Variants in SH3BP4 observed in about 807,000 individuals in gnomAD.
The protein encoded by SH3BP4 is SH3 domain-binding protein 4.
SH3BP4 carries 33 observed loss-of-function variants against 65.5 expected under a neutral mutation model. The ratio of observed to expected loss-of-function variants is 0.50; its 90% CI spans 0.38 to 0.67. The LOEUF (loss-of-function observed/expected upper bound fraction) is 0.67, where lower values mean the gene tolerates loss of function less well. SH3BP4 is among the 30% of genes least tolerant of loss of function. The probability of loss-of-function intolerance (pLI) is 0.00; values close to 1 mark genes in which losing one functional copy is unlikely to be tolerated. For synonymous variants in SH3BP4, 552 were observed against 545.5 expected, an observed-to-expected ratio of 1.01 and a Z score of -0.17; for missense variants, 1,134 against 1,261.4, an observed-to-expected ratio of 0.90 and a Z score of 1.53.
rs1239066126 is a variant in SH3BP4 at position 235,030,912 on chromosome 2, C to T, written c.-132-3959C>T. ...CCCTCTTTCTGTACTGTAAAAACGG[C>T]CCCAAGGGTGCGGACAGGGGGCACC... is the stretch of plus-strand genomic sequence containing the variant. On this transcript the variant is annotated intron_variant, in intron 2 of 5. Transcript: ENST00000392011. This position sits in a 1 kb window ranked among gnomAD's most constrained non-coding sequence, Gnocchi z 4.1. Among the ~76,000 whole-genome samples, 1 of 152,118 alleles carries T rather than the reference C, an allele frequency of 6.6e-6. No individual in the cohort carries two copies. The highest frequency in any genetic ancestry group is 2.4e-5 in the African/African-American group (1 of 41,420).
intron 2 of SH3BP4, among the ~76,000 whole-genome samples, chr2:235,010,376 C>T (rs77234944): frequency 0.027 from 4,046 of 152,286 alleles, 191 homozygotes; most frequent in African/African-American, 0.093. Context: ...CACAGTAGGC[C>T]CCAGAACTAC....
At chr2:235,011,918 G>A (rs1180843706) in intron 2 of SH3BP4, among the ~76,000 whole-genome samples, 1 of 152,222 alleles carries the variant, frequency 6.6e-6, no homozygotes, top group African/African-American at 2.4e-5. Context: ...CCAGGCTCTG[G>A]GTGGGGGATG....
Position 235,033,688 on chromosome 2 carries a change from C to T in SH3BP4, c.-132-1183C>T, listed in dbSNP as rs548865950. Among the ~76,000 whole-genome samples the T allele has an allele frequency of 1.9e-4, 29 of 152,320 alleles. No homozygotes were observed. The highest frequency in any genetic ancestry group is 4.1e-4 in the South Asian group (2 of 4,828). On this transcript the variant is annotated intron_variant, in intron 2 of 5. Transcript: ENST00000392011. The surrounding 1 kb of genome is among the most constrained non-coding windows in gnomAD (Gnocchi z 5.7). Reference sequence around the variant, plus strand: ...GTCCCTATAGCAGCATGTGGACACACGCCTTGCTCTGCTCACTGCACAGGG... The same window carrying T: ...GTCCCTATAGCAGCATGTGGACACATGCCTTGCTCTGCTCACTGCACAGGG...
chr2:235,006,733 G>A (rs1345668807), intron 2 of SH3BP4, among the ~76,000 whole-genome samples: 2 of 152,282 alleles, frequency 1.3e-5, no homozygotes, highest in Non-Finnish European at 2.9e-5. Flanking sequence ...GGAAGCGTCC[G>A]TCTGTACTAC....
rs1051960614 is a variant in SH3BP4 at position 234,990,280 on chromosome 2, G to A, written c.-206-5023G>A. Among the ~76,000 whole-genome samples, 6 of 152,154 alleles carry A rather than the reference G, an allele frequency of 3.9e-5. No individual in the cohort carries two copies. The South Asian group carries it at 8.3e-4, about 21-fold the overall frequency. ...GTATGGTGGTGGGTGAGGCTGGAGC[G>A]ACCCCAGTCATCCAGCTGTCGGGGA... On this transcript the variant is annotated intron_variant, in intron 1 of 5. Coordinates refer to ENST00000392011, the MANE Select transcript of SH3BP4 (RefSeq NM_014521.3).
At position 235,017,784 on chromosome 2, in the gene SH3BP4, T is replaced by C. The variant is rs1232269801; in HGVS notation, c.-132-17087T>C. ...AGCATTAAAATCCCTCTCAGGAAATTAGAGGCAGTGCCACATTAAATCTGT... is the reference window on the plus strand; with the variant it reads ...AGCATTAAAATCCCTCTCAGGAAATCAGAGGCAGTGCCACATTAAATCTGT... On this transcript the variant is annotated intron_variant, in intron 2 of 5. Transcript: ENST00000392011. Among the ~76,000 whole-genome samples the C allele has an allele frequency of 2.6e-5, 4 of 152,306 alleles. No individual in the cohort carries two copies. In the South Asian group the frequency reaches 8.3e-4, roughly 32 times the overall value.
chr2:235,012,635 TG>T (rs1694548463), intron 2 of SH3BP4, among the ~76,000 whole-genome samples: 2 of 152,196 alleles, frequency 1.3e-5, no homozygotes, highest in Non-Finnish European at 2.9e-5. Context: ...CCTGGCCGGC[TG>T]GGCTGCAGTG....
In SH3BP4 at chr2:234,987,171, G is replaced by A. The variant is rs375112869; in HGVS notation, c.-206-8132G>A. Among the ~76,000 whole-genome samples, 14 of 152,262 alleles carry A rather than the reference G, an allele frequency of 9.2e-5. No individual in the cohort carries two copies. The South Asian group carries it at 2.7e-3, about 29-fold the overall frequency. On this transcript the variant is annotated intron_variant, in intron 1 of 5. Coordinates refer to ENST00000392011, the MANE Select transcript of SH3BP4 (RefSeq NM_014521.3). ...AGACCTACAGAATCAGAAACTGAGC[G>A]TTGTTGGGCCCAGCAACCTGTGTTG...
chr2:235,036,736 T>TA (rs892360274), intron 3 of SH3BP4, among the ~76,000 whole-genome samples: 1 of 39,146 alleles, frequency 2.6e-5, no homozygotes, highest in Non-Finnish European at 4.1e-5. Context: ...AGACTCTATA[T>TA]AAAAAATAAT....
At chr2:235,051,266 T>G (rs760182610) in intron 4 of SH3BP4, among the ~76,000 whole-genome samples, 3 of 152,206 alleles carry the variant, frequency 2.0e-5, no homozygotes, top group Non-Finnish European at 2.9e-5. Flanking sequence ...TCATGTGACT[T>G]GGCACAGTGT....
At chr2:234,982,900 G>A (rs1693430362) in intron 1 of SH3BP4, among the ~76,000 whole-genome samples, 1 of 152,128 alleles carries the variant, frequency 6.6e-6, no homozygotes, top group Non-Finnish European at 1.5e-5. Flanking sequence ...CTGTGCTCTT[G>A]AGCCGGGGAT....
chr2:234,974,892 C>T lies in SH3BP4; in HGVS notation c.-206-20411C>T, dbSNP rs80171267. On this transcript the variant is annotated intron_variant, in intron 1 of 5. Coordinates refer to ENST00000392011, the MANE Select transcript of SH3BP4 (RefSeq NM_014521.3). This position sits in a 1 kb window ranked among gnomAD's most constrained non-coding sequence, Gnocchi z 4.6. ...GTTTCACCCTGGCACGCCCTGCCTG[C>T]CCCGTTACGTGGCGATTTGTGATGG... Among the ~76,000 whole-genome samples the T allele has an allele frequency of 3.3e-3, 508 of 152,260 alleles. 4 individuals are homozygous for T. The highest frequency in any genetic ancestry group is 0.02 in the East Asian group (104 of 5,158).
rs1693111132 is a variant in SH3BP4, at chr2:234,974,527, G to A, written c.-206-20776G>A. ...CAGGAGTATCCTGCATCCCACCACA[G>A]GATGTGCTGAGTCCACTTGGAAGCC... On this transcript the variant is annotated intron_variant, in intron 1 of 5. Coordinates refer to ENST00000392011, the MANE Select transcript of SH3BP4 (RefSeq NM_014521.3). This position sits in a 1 kb window ranked among gnomAD's most constrained non-coding sequence, Gnocchi z 4.6. Among the ~76,000 whole-genome samples the A allele has an allele frequency of 6.6e-6, 1 of 152,174 alleles. No individual in the cohort carries two copies. Among genetic ancestry groups the A allele is most frequent in the South Asian group, 2.1e-4 (1 of 4,826 alleles).
At chr2:235,014,385 G>C (rs555687004) in intron 2 of SH3BP4, among the ~76,000 whole-genome samples, 3 of 152,172 alleles carry the variant, frequency 2.0e-5, no homozygotes, top group African/African-American at 7.2e-5. Context: ...TGTTGGAGGC[G>C]CTGGGGAAGA....
In SH3BP4 at chr2:234,974,962, T is replaced by C. The variant is rs1264746834; in HGVS notation, c.-206-20341T>C. 1.3e-5 allele frequency among the ~76,000 whole-genome samples: 2 copies of C among 152,158 alleles called. No individual in the cohort carries two copies. The highest frequency in any genetic ancestry group is 1.9e-4 in the East Asian group (1 of 5,174). ...CCTGATTAGAGGCATGTGGGAAGCA[T>C]GCCCAGCACACGTCTCAGTCCCGTC... is the stretch of plus-strand genomic sequence containing the variant. On this transcript the variant is annotated intron_variant, in intron 1 of 5. Transcript: ENST00000392011. The surrounding 1 kb of genome is among the most constrained non-coding windows in gnomAD (Gnocchi z 4.6).
rs963921172 is a variant in SH3BP4 at position 234,976,954 on chromosome 2, G to A, written c.-206-18349G>A. On this transcript the variant is annotated intron_variant, in intron 1 of 5. Coordinates refer to ENST00000392011, the MANE Select transcript of SH3BP4 (RefSeq NM_014521.3). This position sits in a 1 kb window ranked among gnomAD's most constrained non-coding sequence, Gnocchi z 4.7. ...AGGGACAAACATAGGAGACCCGGAT[G>A]AAGGACAGGCTTTATTGTTTGATGA... Among the ~76,000 whole-genome samples, 3 of 152,220 alleles carry A rather than the reference G, an allele frequency of 2.0e-5. No individual in the cohort carries two copies. The highest frequency in any genetic ancestry group is 7.2e-5 in the African/African-American group (3 of 41,456).
intron 3 of SH3BP4, among the ~76,000 whole-genome samples, chr2:235,038,356 A>ATG (rs1559254477): frequency 6.6e-4 from 8 of 12,164 alleles, no homozygotes; most frequent in Admixed American, 2.7e-3. Flanking sequence ...TATTTTATAT[A>ATG]TATATATATA....
chr2:235,002,937 A>G (rs1163001197), intron 2 of SH3BP4, among the ~76,000 whole-genome samples: 4 of 152,234 alleles, frequency 2.6e-5, no homozygotes, highest in African/African-American at 9.6e-5. Flanking sequence ...TGAACCTCCA[A>G]CAGGAATGCT....
Position 235,046,006 on chromosome 2 carries a change from C to T in SH3BP4, c.2478+2759C>T, listed in dbSNP as rs6736685. 0.023 allele frequency among the ~76,000 whole-genome samples: 3,456 copies of T among 152,280 alleles called. 79 individuals are homozygous for T. The highest frequency in any genetic ancestry group is 0.056 in the African/African-American group (2,341 of 41,526). On this transcript the variant is annotated intron_variant, in intron 4 of 5. Transcript: ENST00000392011. The surrounding 1 kb of genome is among the most constrained non-coding windows in gnomAD (Gnocchi z 4.2). ...CTTTAGAACGGGGTCAGCCTTTGCC[C>T]CTGCCCCACAAAGTCGTGTAAGATC...
Sources: gnomAD v4.1 joint callset for allele counts (sites outside exome capture counted in the v4.1 genomes callset) on GRCh38, gnomAD v4.1.1 for gene constraint, Gnocchi (gnomAD v3.1) non-coding constraint, MANE v1.5 for transcripts, NCBI Gene and HGNC (gene_info 2026-07-23, HGNC 2026-07-21) for gene names.